Variants in CRTAC1 observed in about 807,000 individuals in gnomAD.
CRTAC1 encodes the protein acidic secreted protein in cartilage.
In CRTAC1, 37 loss-of-function variants were observed where a neutral mutation model predicts 67.8. The ratio of observed to expected loss-of-function variants is 0.55; its 90% CI spans 0.42 to 0.72. The LOEUF (loss-of-function observed/expected upper bound fraction) is 0.72. Ranked by LOEUF, CRTAC1 falls within the 30% of genes least tolerant of loss-of-function variation. The pLI, the probability that CRTAC1 is intolerant of heterozygous loss-of-function variation, is 0.00. For synonymous variants in CRTAC1, 348 were observed against 371.0 expected, an observed-to-expected ratio of 0.94 and a Z score of 0.71; for missense variants, 780 against 931.6, an observed-to-expected ratio of 0.84 and a Z score of 2.12.
chr10:98,005,097 TATA>T (rs1411543361), intron 2 of CRTAC1, among the ~76,000 whole-genome samples: 5 of 59,072 alleles, frequency 8.5e-5, no homozygotes, highest in African/African-American at 2.5e-4. Flanking sequence ...TATATATATA[TATA>T]TTTTTTTTTT....
intron 14 of CRTAC1, chr10:97,879,689 T>C: frequency 6.5e-7 from 1 of 1,545,628 alleles, no homozygotes; most frequent in Non-Finnish European, 8.7e-7. Context: ...GGATTTAAAG[T>C]GCATATAACT....
At chr10:97,892,162 C>G (rs1326980636) in intron 11 of CRTAC1, among the ~76,000 whole-genome samples, 1 of 152,212 alleles carries the variant, frequency 6.6e-6, no homozygotes, top group Admixed American at 6.5e-5. Flanking sequence ...CACCACATGA[C>G]CTGGCTAAGG....
At chr10:98,026,329 G>T (rs1367420253) in intron 1 of CRTAC1, among the ~76,000 whole-genome samples, 1 of 152,174 alleles carries the variant, frequency 6.6e-6, no homozygotes, top group Non-Finnish European at 1.5e-5. Context: ...GGAAGGGTCA[G>T]CCATCTGGTG....
chr10:97,905,864 G>C (rs1007269350), intron 6 of CRTAC1, among the ~76,000 whole-genome samples: 2 of 152,194 alleles, frequency 1.3e-5, no homozygotes, highest in Non-Finnish European at 2.9e-5. Context: ...CCACGGAGTG[G>C]GTGCTGGGGG....
intron 2 of CRTAC1, among the ~76,000 whole-genome samples, chr10:97,968,599 A>T (rs2051657265): frequency 6.6e-6 from 1 of 152,208 alleles, no homozygotes; most frequent in Admixed American, 6.5e-5. Context: ...GGGGCAGGCC[A>T]GAGTCTGAGA....
intron 2 of CRTAC1, among the ~76,000 whole-genome samples, chr10:97,972,804 C>A (rs188176734): frequency 3.9e-5 from 6 of 152,140 alleles, no homozygotes; most frequent in African/African-American, 1.2e-4. Context: ...AGTCAAGAAG[C>A]AAGATACAAA....
Position 98,030,398 on chromosome 10 carries a change from T to A in CRTAC1, c.24+51A>T. 1 of 1,168,876 alleles carries A rather than the reference T, an allele frequency of 8.6e-7. No individual in the cohort carries two copies. The highest frequency in any genetic ancestry group is 1.1e-6 in the Non-Finnish European group (1 of 915,852). 72.4% of individuals were successfully genotyped at this position (1,168,876 alleles called of 1,614,324 possible). ...GCGGATCCGGGGGGGCGCGCAGAGC[T>A]GGAGAAACTTTCTCCGCCTTAGGGT... On this transcript the variant is annotated intron_variant, in intron 1 of 14. Coordinates refer to ENST00000370597, the MANE Select transcript of CRTAC1 (RefSeq NM_018058.7). This position sits in a 1 kb window ranked among gnomAD's most constrained non-coding sequence, Gnocchi z 4.2.
At position 97,865,721 on chromosome 10, in the gene CRTAC1, G is replaced by A. The variant is rs2050014198; in HGVS notation, c.1820-7C>T. 1 of 1,590,862 alleles carries A rather than the reference G, an allele frequency of 6.3e-7. No homozygotes were observed. Among genetic ancestry groups the A allele is most frequent in the Non-Finnish European group, 8.6e-7 (1 of 1,167,806 alleles). ...GGTGACTGGCCGAGAGTCCCTGTAGGGAGGTGTATGGCCGGAGTGAGGGCC... is the reference window on the plus strand; with the variant it reads ...GGTGACTGGCCGAGAGTCCCTGTAGAGAGGTGTATGGCCGGAGTGAGGGCC... On this transcript the variant is annotated splice_region_variant and splice_polypyrimidine_tract_variant and intron_variant, in intron 14 of 14. Coordinates refer to ENST00000370597, the MANE Select transcript of CRTAC1 (RefSeq NM_018058.7).
chr10:97,878,186 T>C (rs2050169004), intron 14 of CRTAC1, among the ~76,000 whole-genome samples: 1 of 152,230 alleles, frequency 6.6e-6, no homozygotes, highest in Admixed American at 6.5e-5. Flanking sequence ...TTGGGCACAG[T>C]GACCTTGAAC....
intron 5 of CRTAC1, among the ~76,000 whole-genome samples, chr10:97,912,870 T>A (rs1312239813): frequency 6.6e-6 from 1 of 152,148 alleles, no homozygotes; most frequent in African/African-American, 2.4e-5. Flanking sequence ...AATGAATGCA[T>A]CCTCCAGGGT....
intron 5 of CRTAC1, among the ~76,000 whole-genome samples, chr10:97,916,167 C>T (rs1032946334): frequency 2.6e-5 from 4 of 151,564 alleles, no homozygotes; most frequent in Non-Finnish European, 5.9e-5. Flanking sequence ...AGTGCACCCC[C>T]CTTCCCTTGC....
chr10:97,948,875 C>G (rs995649266), intron 2 of CRTAC1, among the ~76,000 whole-genome samples: 1 of 152,108 alleles, frequency 6.6e-6, no homozygotes, highest in Non-Finnish European at 1.5e-5. Context: ...CACATGGCGT[C>G]AGGAGAGATA....
Position 97,895,503 on chromosome 10 carries a change from G to A in CRTAC1, c.1318-90C>T. On this transcript the variant is annotated intron_variant, in intron 10 of 14. Coordinates refer to ENST00000370597, the MANE Select transcript of CRTAC1 (RefSeq NM_018058.7). The surrounding 1 kb of genome is among the most constrained non-coding windows in gnomAD (Gnocchi z 4.2). Reference sequence around the variant, plus strand: ...GCCAGGGAGGACGGGAGGGGGAGAGGGAGAAGAAGGAGGAAGAGAAGAAAG... The same window carrying A: ...GCCAGGGAGGACGGGAGGGGGAGAGAGAGAAGAAGGAGGAAGAGAAGAAAG... 8.7e-7 allele frequency: 1 copy of A among 1,148,370 alleles called. No individual in the cohort carries two copies. 71.1% of individuals were successfully genotyped at this position (1,148,370 alleles called of 1,614,324 possible). A position where few individuals can be genotyped will look rare whatever the true frequency, so the allele number is the denominator to read the frequency against.
chr10:97,908,941 G>C (rs1325472018), intron 5 of CRTAC1, among the ~76,000 whole-genome samples: 3 of 152,336 alleles, frequency 2.0e-5, no homozygotes, highest in Non-Finnish European at 4.4e-5. Flanking sequence ...GTGAACACTG[G>C]CTACCTTCCT....
Position 97,907,996 on chromosome 10 carries a change from T to A in CRTAC1, c.850+17A>T. On this transcript the variant is annotated intron_variant, in intron 6 of 14. Coordinates refer to ENST00000370597, the MANE Select transcript of CRTAC1 (RefSeq NM_018058.7). ...GTGAGGGGTCAGGGTGCACAGGGCA[T>A]GGCTGCCTCCACTCACCAGCACTGG... 1 of 1,613,742 alleles carries A rather than the reference T, an allele frequency of 6.2e-7. No individual in the cohort carries two copies. Among genetic ancestry groups the A allele is most frequent in the South Asian group, 1.1e-5 (1 of 91,012 alleles).
intron 4 of CRTAC1, among the ~76,000 whole-genome samples, chr10:97,919,771 CTTT>C (rs769852925): frequency 9.4e-6 from 1 of 106,298 alleles, no homozygotes; most frequent in Non-Finnish European, 1.8e-5. Context: ...ACAGTACAGC[CTTT>C]TTTTTTTTTT....
At chr10:97,986,809 C>T (rs906662871) in intron 2 of CRTAC1, among the ~76,000 whole-genome samples, 1 of 152,230 alleles carries the variant, frequency 6.6e-6, no homozygotes, top group Non-Finnish European at 1.5e-5. Flanking sequence ...GCCACAACCA[C>T]CTCCCGGCTC....
intron 14 of CRTAC1, among the ~76,000 whole-genome samples, chr10:97,877,586 C>T (rs1476489425): frequency 6.6e-6 from 1 of 152,214 alleles, no homozygotes; most frequent in Non-Finnish European, 1.5e-5. Context: ...CATTGTACGC[C>T]TAGAGCCTAA....
chr10:97,865,775 G>C, intron 14 of CRTAC1, 61 bp from the exon 15 acceptor site: 1 of 1,426,658 alleles, frequency 7.0e-7, no homozygotes, highest in South Asian at 1.3e-5. Context: ...TGCGCTACCA[G>C]AGCACCCGCT....
Sources: gnomAD v4.1 joint callset for allele counts (sites outside exome capture counted in the v4.1 genomes callset) on GRCh38, gnomAD v4.1.1 for gene constraint, Gnocchi (gnomAD v3.1) non-coding constraint, MANE v1.5 for transcripts, NCBI Gene and HGNC (gene_info 2026-07-23, HGNC 2026-07-21) for gene names.